Variants in LRPPRC observed in about 807,000 individuals in gnomAD.
LRPPRC encodes the protein leucine-rich PPR motif-containing protein, mitochondrial.
LRPPRC carries 120 observed loss-of-function variants against 180.3 expected under a neutral mutation model. That is an observed-to-expected ratio of 0.67 (90% CI 0.57 to 0.77). The LOEUF is 0.77. Ranked by LOEUF, LRPPRC falls within the 30% of genes least tolerant of loss-of-function variation. The probability of loss-of-function intolerance (pLI) is 0.00; values close to 1 mark genes in which losing one functional copy is unlikely to be tolerated. For missense variants in LRPPRC, 2,012 were observed against 1,657.2 expected, an observed-to-expected ratio of 1.21 and a Z score of -3.72; for synonymous variants, 723 against 600.0, an observed-to-expected ratio of 1.21 and a Z score of -3.00.
At chr2:43,992,667 A>C (rs1401945488) in intron 1 of LRPPRC, among the ~76,000 whole-genome samples, 1 of 152,214 alleles carries the variant, frequency 6.6e-6, no homozygotes, top group East Asian at 1.9e-4. Context: ...TCATTTGTGC[A>C]ATCAATAAAT....
At chr2:43,915,628 G>C (rs1309545931) in intron 29 of LRPPRC, among the ~76,000 whole-genome samples, 2 of 152,154 alleles carry the variant, frequency 1.3e-5, no homozygotes, top group African/African-American at 2.4e-5. Context: ...AGGTTGCAGT[G>C]AGAATGCACC....
rs1419538730 is a variant in LRPPRC at position 43,974,726 on chromosome 2, G to A, written c.897C>T (p.His299=). 1 of 1,613,292 alleles carries A rather than the reference G, an allele frequency of 6.2e-7. No individual in the cohort carries two copies. Among genetic ancestry groups the A allele is most frequent in the Non-Finnish European group, 8.5e-7 (1 of 1,179,600 alleles). ...TTTGCAGTAAATCACGGTCCATAAG[G>A]TGAAGCTCGGACTTCTCCACCTTCT... The part of the protein sequence containing the change: ...TLEKVEKSEL[H]LMDRDLLQII... Residue 299 remains histidine, a synonymous_variant, in exon 8 of 38, where the codon CAC becomes CAT. Transcript: ENST00000260665.
At chr2:43,894,850 C>A (rs553892089) in intron 35 of LRPPRC, among the ~76,000 whole-genome samples, 12 of 152,210 alleles carry the variant, frequency 7.9e-5, no homozygotes, top group Non-Finnish European at 1.6e-4. Flanking sequence ...TGCAATTCCA[C>A]TTACATTTCT....
rs1353239337 is a variant in LRPPRC, at chr2:43,948,421, C to T, written c.1833G>A (p.Leu611=). 1.2e-6 allele frequency: 2 copies of T among 1,603,428 alleles called. No individual in the cohort carries two copies. Residue 611 remains leucine (L), a synonymous_variant, in exon 17 of 38, where the codon CTG becomes CTA. Coordinates refer to ENST00000260665, the MANE Select transcript of LRPPRC (RefSeq NM_133259.4). Reference sequence around the variant, plus strand: ...AAAAACGAAATGGTACCATCTTCTCCAGCTGATGGAAGTATTGTCTCAAAT... The same window carrying T: ...AAAAACGAAATGGTACCATCTTCTCTAGCTGATGGAAGTATTGTCTCAAAT... The part of the protein sequence containing the change: ...EEHLRQYFHQ[L]EKMNVKIPEN...
intron 31 of LRPPRC, among the ~76,000 whole-genome samples, chr2:43,905,234 C>T (rs553060486): frequency 6.6e-6 from 1 of 152,340 alleles, no homozygotes; most frequent in South Asian, 2.1e-4. Context: ...CAATCCCACA[C>T]ATTTAACACT....
rs200686732 is a variant in LRPPRC, at chr2:43,995,941, C to G, written c.7G>C (p.Ala3Pro). 1.8e-5 allele frequency: 27 copies of G among 1,526,028 alleles called. No individual in the cohort carries two copies. Among genetic ancestry groups the G allele is most frequent in the Admixed American group, 6.0e-5 (3 of 50,316 alleles). 94.5% of individuals were successfully genotyped at this position (1,526,028 alleles called of 1,614,324 possible). A position where few individuals can be genotyped will look rare whatever the true frequency, so the allele number is the denominator to read the frequency against. Residue 3 changes from alanine (A) to proline (P), a missense_variant, in exon 1 of 38, where the codon GCC becomes CCC. By Grantham distance (27) the Ala-to-Pro change is conservative. Transcript: ENST00000260665. ...AACCAACGCGCGGATCTCAGCAGGG[C>G]TGCCATTGCTCGAACGTCCCCGCAG... MAALLRSARWLLR... is the reference protein window; with the variant it reads MAPLLRSARWLLR...
chr2:43,917,914 A>T, intron 29 of LRPPRC, 111 bp downstream of exon 29: 1 of 710,868 alleles, frequency 1.4e-6, no homozygotes, highest in Non-Finnish European at 2.4e-6. Flanking sequence ...TGTAAAATTT[A>T]AGTCCTATCT....
chr2:43,952,217 G>A (rs1672935956), intron 14 of LRPPRC, among the ~76,000 whole-genome samples: 1 of 151,980 alleles, frequency 6.6e-6, no homozygotes, highest in African/African-American at 2.4e-5. Context: ...AAAACAACTG[G>A]ATATTAAGCT....
At chr2:43,903,473 T>C (rs1007572995) in intron 31 of LRPPRC, 2 of 150,598 alleles carry the variant, frequency 1.3e-5, no homozygotes, top group East Asian at 2.0e-4. Flanking sequence ...TCATCAGCCA[T>C]GGAGCAAAAT....
chr2:43,913,960 A>G (rs1463904041), intron 29 of LRPPRC, among the ~76,000 whole-genome samples: 1 of 152,254 alleles, frequency 6.6e-6, no homozygotes, highest in Admixed American at 6.5e-5. Flanking sequence ...TACCAGTATC[A>G]ATGCATCACA....
At chr2:43,948,864 G>A (rs1376250325) in intron 16 of LRPPRC, among the ~76,000 whole-genome samples, 6 of 151,578 alleles carry the variant, frequency 4.0e-5, no homozygotes, top group Non-Finnish European at 5.9e-5. Flanking sequence ...TAAATGTCTT[G>A]TACACATTTC....
intron 27 of LRPPRC, among the ~76,000 whole-genome samples, chr2:43,919,874 T>A (rs1671633800): frequency 6.6e-6 from 1 of 151,904 alleles, no homozygotes; most frequent in South Asian, 2.1e-4. Flanking sequence ...GGGGTTTGTT[T>A]TACAGCACAA....
chr2:43,894,949 G>A (rs1382281253), intron 35 of LRPPRC, among the ~76,000 whole-genome samples: 1 of 152,184 alleles, frequency 6.6e-6, no homozygotes, highest in Non-Finnish European at 1.5e-5. Context: ...CAAGGGTAGA[G>A]AGATAACAAC....
chr2:43,982,323 T>TA lies in LRPPRC; in HGVS notation c.260dup (p.Met88AsnfsTer23). The TA allele has an allele frequency of 6.2e-7, 1 of 1,613,314 alleles. No homozygotes were observed. Among genetic ancestry groups the TA allele is most frequent in the Non-Finnish European group, 8.5e-7 (1 of 1,179,604 alleles). ...TTCGAACAGAAAGATCTAGTCTCATTAGAGCCCAATCAAACTGATTGGAAA... is the reference window on the plus strand; with the variant it reads ...TTCGAACAGAAAGATCTAGTCTCATTAAGAGCCCAATCAAACTGATTGGAAA... On this transcript the variant is annotated frameshift_variant, in exon 2 of 38. Coordinates refer to ENST00000260665, the MANE Select transcript of LRPPRC (RefSeq NM_133259.4). LOFTEE classifies it high-confidence loss of function.
chr2:43,929,621 G>T (rs1464436420), intron 25 of LRPPRC, among the ~76,000 whole-genome samples: 4 of 151,994 alleles, frequency 2.6e-5, no homozygotes, highest in Non-Finnish European at 5.9e-5. Flanking sequence ...CTACATGTAA[G>T]TGGACCTACA....
At chr2:43,916,982 G>A (rs1418418446) in intron 29 of LRPPRC, among the ~76,000 whole-genome samples, 2 of 140,884 alleles carry the variant, frequency 1.4e-5, no homozygotes, top group Admixed American at 7.2e-5. Flanking sequence ...ATAGTATAAT[G>A]AACCTCACCT....
chr2:43,959,958 T>C (rs973896955), intron 13 of LRPPRC, among the ~76,000 whole-genome samples: 2 of 152,192 alleles, frequency 1.3e-5, no homozygotes, highest in African/African-American at 4.8e-5. Flanking sequence ...ACATCTTACT[T>C]CTGGTTCAAA....
chr2:43,946,062 C>A (rs1238785720), intron 21 of LRPPRC, 51 bp downstream of exon 21: 4 of 1,575,142 alleles, frequency 2.5e-6, no homozygotes, highest in Non-Finnish European at 3.5e-6. Context: ...CTATCAAGGT[C>A]TGTAGAGCAG....
chr2:43,964,998 T>C (rs776695567), intron 11 of LRPPRC, among the ~76,000 whole-genome samples: 3 of 152,070 alleles, frequency 2.0e-5, no homozygotes, highest in Non-Finnish European at 1.5e-5. Context: ...CTGGGCAACA[T>C]AGCAAGACCT....
Sources: allele counts gnomAD v4.1 joint callset (sites outside exome capture counted in the v4.1 genomes callset), GRCh38; gene constraint gnomAD v4.1.1; transcripts MANE v1.5; gene names NCBI Gene and HGNC (gene_info 2026-07-23, HGNC 2026-07-21).